Variants in EXOC4 observed in about 807,000 individuals in gnomAD.
EXOC4 encodes the protein SEC8-like 1.
Under a neutral mutation model 107.2 loss-of-function variants are expected in EXOC4, and 71 were observed. The ratio of observed to expected loss-of-function variants is 0.66; its 90% CI spans 0.55 to 0.81. The LOEUF (loss-of-function observed/expected upper bound fraction) is 0.81, where lower values mean the gene tolerates loss of function less well. Among genes scored for constraint, EXOC4 ranks in the 30% least tolerant of loss-of-function variants. The pLI is 0.00. For synonymous variants in EXOC4, 456 were observed against 441.2 expected (o/e 1.03, Z -0.42); for missense variants, 1,108 against 1,189.6 (o/e 0.93, Z 1.01).
intron 10 of EXOC4, among the ~76,000 whole-genome samples, chr7:133,815,527 A>G (rs772893860): frequency 3.9e-5 from 6 of 152,202 alleles, no homozygotes; most frequent in Non-Finnish European, 5.9e-5. Flanking sequence ...AATCTTATCA[A>G]GAGTAGTATA....
At chr7:133,393,180 T>C (rs957611254) in intron 7 of EXOC4, among the ~76,000 whole-genome samples, 2 of 152,182 alleles carry the variant, frequency 1.3e-5, no homozygotes, top group African/African-American at 2.4e-5. Flanking sequence ...CAAGAACTCA[T>C]TGCATTTCTT....
chr7:133,980,935 C>T (rs1463149472), intron 14 of EXOC4, among the ~76,000 whole-genome samples: 1 of 152,182 alleles, frequency 6.6e-6, no homozygotes, highest in Non-Finnish European at 1.5e-5. Flanking sequence ...ATGTGTATCA[C>T]ACCACCTCAT....
intron 1 of EXOC4, among the ~76,000 whole-genome samples, chr7:133,266,924 G>C (rs1359948951): frequency 6.6e-6 from 1 of 152,168 alleles, no homozygotes; most frequent in Non-Finnish European, 1.5e-5. Context: ...TATATCATGT[G>C]ATGTGTCTCC....
At chr7:133,671,699 G>T (rs187228137) in intron 10 of EXOC4, among the ~76,000 whole-genome samples, 1 of 152,162 alleles carries the variant, frequency 6.6e-6, no homozygotes, top group African/African-American at 2.4e-5. Flanking sequence ...TAACAGTGGA[G>T]GGGAGAAGTG....
At chr7:133,886,389 T>C (rs943587780) in intron 11 of EXOC4, among the ~76,000 whole-genome samples, 1 of 152,200 alleles carries the variant, frequency 6.6e-6, no homozygotes, top group Non-Finnish European at 1.5e-5. Context: ...GGTACAATCA[T>C]CCTTATTCAT....
At chr7:133,518,739 G>C (rs906381904) in intron 9 of EXOC4, among the ~76,000 whole-genome samples, 6 of 152,090 alleles carry the variant, frequency 3.9e-5, no homozygotes, top group African/African-American at 1.4e-4. Context: ...GTCGCGAAAG[G>C]ACAAATATTG....
chr7:134,030,996 A>G lies in EXOC4; in HGVS notation c.2687+23161A>G, dbSNP rs187074654. ...GTAAACCTCAAAAACATTGTGCTAA[A>G]TGAGAGAAGCCAGTCAAAAGAAACC... On this transcript the variant is annotated intron_variant, in intron 17 of 17. Coordinates refer to ENST00000253861, the MANE Select transcript of EXOC4 (RefSeq NM_021807.4). Among the ~76,000 whole-genome samples, 6 of 152,264 alleles carry G rather than the reference A, an allele frequency of 3.9e-5. No homozygotes were observed. In the East Asian group the frequency reaches 7.7e-4, roughly 20 times the overall value.
chr7:133,577,882 C>CA (rs1801167329), intron 9 of EXOC4, among the ~76,000 whole-genome samples: 1 of 151,884 alleles, frequency 6.6e-6, no homozygotes, highest in Non-Finnish European at 1.5e-5. Context: ...GAAAAGAAAC[C>CA]AAAATGGATC....
chr7:133,989,603 A>G (rs1224238074), intron 14 of EXOC4, among the ~76,000 whole-genome samples: 1 of 152,206 alleles, frequency 6.6e-6, no homozygotes, highest in Non-Finnish European at 1.5e-5. Flanking sequence ...GTAAAGGGCC[A>G]GTGAATTCAG....
intron 5 of EXOC4, among the ~76,000 whole-genome samples, chr7:133,335,947 T>C (rs1795502812): frequency 6.6e-6 from 1 of 152,246 alleles, no homozygotes. Flanking sequence ...TTAGTGATGC[T>C]GGACATCTTT....
At chr7:133,347,642 G>T (rs1367107907) in intron 5 of EXOC4, among the ~76,000 whole-genome samples, 1 of 152,116 alleles carries the variant, frequency 6.6e-6, no homozygotes, top group Non-Finnish European at 1.5e-5. Flanking sequence ...TTTTAGCTAA[G>T]CCCTCCTTTC....
chr7:133,301,936 A>C (rs1794650530), intron 3 of EXOC4, among the ~76,000 whole-genome samples: 1 of 152,224 alleles, frequency 6.6e-6, no homozygotes, highest in Non-Finnish European at 1.5e-5. Flanking sequence ...GATTGGCTAA[A>C]GACAAGCATT....
At chr7:133,760,105 G>A (rs958804241) in intron 10 of EXOC4, among the ~76,000 whole-genome samples, 3 of 152,108 alleles carry the variant, frequency 2.0e-5, no homozygotes, top group Non-Finnish European at 4.4e-5. Context: ...GCTTAGTTCC[G>A]TGTAATCAGG....
In EXOC4 at chr7:133,798,790, CAAAAA is replaced by C. The variant is rs1057490492; in HGVS notation, c.1515-18530_1515-18526del. Among the ~76,000 whole-genome samples, 77 of 151,764 alleles carry C rather than the reference CAAAAA, an allele frequency of 5.1e-4. 1 individual carries two copies. The highest frequency in any genetic ancestry group is 2.9e-3 in the South Asian group (14 of 4,790). ...ACTGTGTTAGGAACCATGAGAAAGA[CAAAAA>C]AAAATAAAATAAAATAAAAGCACAA... is the stretch of plus-strand genomic sequence containing the variant. On this transcript the variant is annotated intron_variant, in intron 10 of 17. Transcript: ENST00000253861.
Position 133,302,430 on chromosome 7 carries a change from TA to T in EXOC4, c.472-3442del, listed in dbSNP as rs374314618. The stretch of plus-strand genomic sequence containing the variant: ...TATCTGTTTTCCTCCAAAATGCATT[TA>T]AAAATACTTATATCTGTCTATATAT... On this transcript the variant is annotated intron_variant, in intron 3 of 17. Transcript: ENST00000253861. Among the ~76,000 whole-genome samples, 87 of 152,298 alleles carry T rather than the reference TA, an allele frequency of 5.7e-4. 1 individual carries two copies. In the East Asian group the frequency reaches 7.9e-3, roughly 14 times the overall value.
chr7:133,393,394 CAG>C (rs1796896962), intron 7 of EXOC4, among the ~76,000 whole-genome samples: 1 of 152,286 alleles, frequency 6.6e-6, no homozygotes, highest in African/African-American at 2.4e-5. Context: ...CCTAAACTCA[CAG>C]AGTTTGGCAG....
At chr7:133,516,129 C>A (rs973257202) in intron 9 of EXOC4, among the ~76,000 whole-genome samples, 1 of 152,180 alleles carries the variant, frequency 6.6e-6, no homozygotes, top group Non-Finnish European at 1.5e-5. Context: ...AACTGTGTCA[C>A]CACTACAAGG....
chr7:134,009,801 G>A (rs1794724611), intron 17 of EXOC4: 1 of 151,956 alleles, frequency 6.6e-6, no homozygotes, highest in Non-Finnish European at 1.5e-5. Flanking sequence ...TTTTTATTTA[G>A]CTGAAATAAG....
At chr7:133,330,282 C>G (rs572958958) in intron 5 of EXOC4, among the ~76,000 whole-genome samples, 1 of 152,226 alleles carries the variant, frequency 6.6e-6, no homozygotes, top group African/African-American at 2.4e-5. Flanking sequence ...CCACCAAGCT[C>G]AAGTGTCCCA....
Sources: gnomAD v4.1 joint callset for allele counts (sites outside exome capture counted in the v4.1 genomes callset) on GRCh38, gnomAD v4.1.1 for gene constraint, MANE v1.5 for transcripts, NCBI Gene and HGNC (gene_info 2026-07-23, HGNC 2026-07-21) for gene names.